NEDD4: variants seen among roughly 807,000 people sequenced by gnomAD.
The protein encoded by NEDD4 is E3 ubiquitin-protein ligase NEDD4.
Under a neutral mutation model 144.9 loss-of-function variants are expected in NEDD4, and 99 were observed. That is an observed-to-expected ratio of 0.68 (90% CI 0.58 to 0.81). The LOEUF (loss-of-function observed/expected upper bound fraction) is 0.81, where lower values mean the gene tolerates loss of function less well. NEDD4 is among the 30% of genes least tolerant of loss of function. The pLI, the probability that NEDD4 is intolerant of heterozygous loss-of-function variation, is 0.00. For missense variants in NEDD4, 985 were observed against 1,065.9 expected, an observed-to-expected ratio of 0.92 and a Z score of 1.06; for synonymous variants, 318 against 350.6, an observed-to-expected ratio of 0.91 and a Z score of 1.04.
At position 55,830,577 on chromosome 15, in the gene NEDD4, C is replaced by A. The variant is rs756489868; in HGVS notation, c.2537G>T (p.Gly846Val). The A allele has an allele frequency of 6.2e-7, 1 of 1,613,778 alleles. No individual in the cohort carries two copies. The highest frequency in any genetic ancestry group is 1.3e-5 in the African/African-American group (1 of 74,896). ...NGFAELYGSN[G>V]PQSFTVEQWG... Reference sequence around the variant, plus strand: ...CTGTTCAACTGTAAATGACTGTGGTCCATTTGAACCTATAAGGAAGAATTT... The same window carrying A: ...CTGTTCAACTGTAAATGACTGTGGTACATTTGAACCTATAAGGAAGAATTT... The change falls in exon 28 of 29, where the codon GGA (glycine) becomes GTA (valine). Residue 846 changes from glycine (G) to valine (V), a missense_variant. Coordinates refer to ENST00000435532, the MANE Select transcript of NEDD4 (RefSeq NM_006154.4).
intron 8 of NEDD4, among the ~76,000 whole-genome samples, chr15:55,866,256 T>A (rs2034584007): frequency 1.4e-5 from 2 of 145,664 alleles, no homozygotes; most frequent in Admixed American, 6.8e-5. Context: ...TTTATAAGAA[T>A]TGTTCTCTCT....
At chr15:55,872,618 A>C (rs529427513) in intron 6 of NEDD4, 142 bp from the exon 7 acceptor site, 19 of 367,180 alleles carry the variant, frequency 5.2e-5, no homozygotes, top group African/African-American at 3.8e-4. Context: ...TCAAATGCTA[A>C]CTTGACAGTG....
At chr15:55,911,890 T>C (rs968831639) in intron 5 of NEDD4, among the ~76,000 whole-genome samples, 1 of 152,154 alleles carries the variant, frequency 6.6e-6, no homozygotes, top group African/African-American at 2.4e-5. Flanking sequence ...CTCCCCTAAA[T>C]AGAGACTGTA....
rs555896573 is a variant in NEDD4, at chr15:55,944,622, T to C, written c.237+6754A>G. Among the ~76,000 whole-genome samples, 7 of 152,342 alleles carry C rather than the reference T, an allele frequency of 4.6e-5. No individual in the cohort carries two copies. In the East Asian group the frequency reaches 5.8e-4, roughly 13 times the overall value. Reference sequence around the variant, plus strand: ...CTTAAATGTCCCTATCTGACAGCTCTGAAGAGAGCAGTGGTTCTCCCAGCA... The same window carrying C: ...CTTAAATGTCCCTATCTGACAGCTCCGAAGAGAGCAGTGGTTCTCCCAGCA... On this transcript the variant is annotated intron_variant, in intron 4 of 28. Transcript: ENST00000435532.
In NEDD4 at chr15:55,880,286, C is replaced by T. The variant is rs966518074; in HGVS notation, c.292-6278G>A. 1.1e-4 allele frequency among the ~76,000 whole-genome samples: 17 copies of T among 150,746 alleles called. No individual in the cohort carries two copies. The East Asian group carries it at 1.2e-3, about 10-fold the overall frequency. On this transcript the variant is annotated intron_variant, in intron 5 of 28. Transcript: ENST00000435532. ...TAGTCTGGGTGACGGAGTGAGACCC[C>T]GTCTCCAAAAAAAAAGAATAAAAAG...
chr15:55,992,215 T>C (rs557709249), intron 1 of NEDD4, among the ~76,000 whole-genome samples: 3 of 152,200 alleles, frequency 2.0e-5, no homozygotes, highest in Admixed American at 1.3e-4. Flanking sequence ...CTGTAACACA[T>C]TGACTATTGT....
At position 55,832,884 on chromosome 15, in the gene NEDD4, A is replaced by C. The variant is rs113452502; in HGVS notation, c.2527+124T>G. ...GTGTCCCTAATGGTATCACTTTCAA[A>C]ATCTTAATTCTTTTTAAAATTAAGC... On this transcript the variant is annotated intron_variant, in intron 27 of 28. Transcript: ENST00000435532. 5.6e-5 allele frequency: 37 copies of C among 656,602 alleles called. 2 individuals carry two copies. The highest frequency in any genetic ancestry group is 4.5e-4 in the African/African-American group (25 of 55,474). The allele number at this position is 656,602 out of a possible 1,614,324, so 40.7% of individuals were successfully genotyped here.
At chr15:55,966,266 T>C (rs564157260) in intron 2 of NEDD4, among the ~76,000 whole-genome samples, 1 of 152,350 alleles carries the variant, frequency 6.6e-6, no homozygotes, top group South Asian at 2.1e-4. Context: ...CTTGTGACTA[T>C]TGCTATCATT....
chr15:55,935,845 CA>C (rs35215537), intron 4 of NEDD4, among the ~76,000 whole-genome samples: 853 of 78,264 alleles, frequency 0.011, 4 homozygotes, highest in Non-Finnish European at 0.012. Flanking sequence ...GACTCTGTTT[CA>C]AAAAAAAAAA....
chr15:55,872,589 A>C, intron 6 of NEDD4, 113 bp from the exon 7 acceptor site: 1 of 388,986 alleles, frequency 2.6e-6, no homozygotes, highest in Non-Finnish European at 4.6e-6. Flanking sequence ...AAGTGAGAAA[A>C]AAAAGTAGCT....
At chr15:55,990,317 A>G (rs770598091) in intron 1 of NEDD4, among the ~76,000 whole-genome samples, 1 of 152,014 alleles carries the variant, frequency 6.6e-6, no homozygotes, top group Non-Finnish European at 1.5e-5. Flanking sequence ...ACAGTTGGGG[A>G]CTGCAGTTCT....
chr15:55,866,389 C>T (rs2034589678), intron 8 of NEDD4, among the ~76,000 whole-genome samples: 1 of 151,906 alleles, frequency 6.6e-6, no homozygotes, highest in Non-Finnish European at 1.5e-5. Flanking sequence ...TATGATAATA[C>T]AGGATCTAGC....
chr15:55,852,641 C>G, intron 12 of NEDD4, 98 bp from the exon 13 acceptor site: 30 of 959,100 alleles, frequency 3.1e-5, no homozygotes, highest in Non-Finnish European at 4.1e-5. Flanking sequence ...ACTCTCAGCC[C>G]CAAGCAACCA....
At chr15:55,946,409 A>G (rs893350843) in intron 4 of NEDD4, among the ~76,000 whole-genome samples, 1 of 152,228 alleles carries the variant, frequency 6.6e-6, no homozygotes, top group African/African-American at 2.4e-5. Context: ...AGAGACAAAG[A>G]AAGCCATTAC....
intron 5 of NEDD4, among the ~76,000 whole-genome samples, chr15:55,887,721 C>G (rs1245267090): frequency 6.6e-6 from 1 of 152,038 alleles, no homozygotes; most frequent in Non-Finnish European, 1.5e-5. Flanking sequence ...AGCATTGATA[C>G]AAAAATCCTC....
chr15:55,874,539 C>G (rs192242237), intron 5 of NEDD4, among the ~76,000 whole-genome samples: 153 of 152,302 alleles, frequency 1.0e-3, no homozygotes, highest in South Asian at 2.5e-3. Flanking sequence ...TATATAAACT[C>G]TTACCTAAAT....
chr15:55,837,689 G>T, intron 24 of NEDD4, 100 bp downstream of exon 24: 1 of 676,968 alleles, frequency 1.5e-6, no homozygotes. Context: ...CACAAAACAA[G>T]CCATATACTT....
chr15:55,982,584 G>A (rs78063584), intron 1 of NEDD4, among the ~76,000 whole-genome samples: 2,111 of 152,134 alleles, frequency 0.014, 28 homozygotes, highest in Non-Finnish European at 0.02. Context: ...GAGAGTAGAC[G>A]GGCAGAATTG....
rs538596758 is a variant in NEDD4, at chr15:55,840,191, CAGAT to C, written c.2031+252_2031+255del. Among the ~76,000 whole-genome samples the C allele has an allele frequency of 6.6e-5, 10 of 150,742 alleles. No individual in the cohort carries two copies. The East Asian group carries it at 1.4e-3, about 21-fold the overall frequency. ...AAACTAAGACAGACTGATGGATAGA[CAGAT>C]AGGTATGTGATAAAGTAAATCTAGA... On this transcript the variant is annotated intron_variant, in intron 21 of 28. Transcript: ENST00000435532.
Sources: allele counts gnomAD v4.1 joint callset (sites outside exome capture counted in the v4.1 genomes callset), GRCh38; gene constraint gnomAD v4.1.1; transcripts MANE v1.5; gene names NCBI Gene and HGNC (gene_info 2026-07-23, HGNC 2026-07-21).